The following SCN7A variants were observed in gnomAD, a reference collection of about 807,000 sequenced individuals.
SCN7A encodes the protein sodium voltage-gated channel alpha subunit 7, also known as sodium channel protein type 7 subunit alpha.
A neutral mutation model predicts 155.2 loss-of-function variants in SCN7A; 138 were observed. The observed-to-expected ratio is 0.89, with a 90% CI of 0.77 to 1.02. SCN7A has a LOEUF of 1.02. Among genes scored for constraint, SCN7A ranks in the 50% least tolerant of loss-of-function variants. SCN7A has a pLI of 0.00. For synonymous variants in SCN7A, 693 were observed against 649.0 expected (o/e 1.07, Z -1.03); for missense variants, 2,058 against 1,986.6 (o/e 1.04, Z -0.68).
chr2:166,492,125 G>A (rs13022308), intron 1 of SCN7A, among the ~76,000 whole-genome samples: 18,932 of 152,018 alleles, frequency 0.12, 1,314 homozygotes, highest in Middle Eastern at 0.16. Flanking sequence ...ACGAGGCTAC[G>A]GAGACAGAAT....
At chr2:166,453,006 T>C (rs573856861) in intron 11 of SCN7A, among the ~76,000 whole-genome samples, 2 of 152,300 alleles carry the variant, frequency 1.3e-5, no homozygotes, top group East Asian at 3.9e-4. Flanking sequence ...GAAACAGCCA[T>C]GCGTTCTTGT....
chr2:166,445,823 A>T (rs984402744), intron 12 of SCN7A, among the ~76,000 whole-genome samples: 11 of 152,184 alleles, frequency 7.2e-5, no homozygotes, highest in Non-Finnish European at 1.3e-4. Context: ...CTGGCTAGCC[A>T]TATGCAGAAA....
intron 10 of SCN7A, among the ~76,000 whole-genome samples, chr2:166,459,760 A>C (rs915701810): frequency 1.3e-5 from 2 of 152,196 alleles, no homozygotes; most frequent in African/African-American, 4.8e-5. Context: ...GATAAAGAAA[A>C]TGTGGCACAT....
At chr2:166,414,261 T>TACACAC (rs1559088635) in intron 21 of SCN7A, among the ~76,000 whole-genome samples, 9 of 65,438 alleles carry the variant, frequency 1.4e-4, no homozygotes, top group African/African-American at 5.4e-4. Flanking sequence ...TATAGATATA[T>TACACAC]ATACACACAC....
intron 1 of SCN7A, among the ~76,000 whole-genome samples, chr2:166,493,481 G>A (rs1460489225): frequency 6.6e-6 from 1 of 152,166 alleles, no homozygotes; most frequent in Non-Finnish European, 1.5e-5. Context: ...TGACTAAACT[G>A]AGCACACCAC....
chr2:166,409,952 CAGGTGTAAT>C lies in SCN7A; in HGVS notation c.3712-26_3712-18del. On this transcript the variant is annotated intron_variant, in intron 24 of 25. Coordinates refer to ENST00000643258, the MANE Select transcript of SCN7A (RefSeq NM_002976.4). ...GAGCTTGTTCTGTGGGTAAAATCAA[CAGGTGTAAT>C]AGTCTTATTAATAGGATACATATAC... 1 of 1,542,728 alleles carries C rather than the reference CAGGTGTAAT, an allele frequency of 6.5e-7. No homozygotes were observed. Among genetic ancestry groups the C allele is most frequent in the Non-Finnish European group, 8.8e-7 (1 of 1,142,480 alleles).
intron 18 of SCN7A, among the ~76,000 whole-genome samples, chr2:166,424,367 C>T (rs1701576236): frequency 1.3e-5 from 2 of 152,026 alleles, no homozygotes; most frequent in Admixed American, 1.3e-4. Flanking sequence ...GACCAATGAT[C>T]CTGCTGCAAA....
chr2:166,485,135 T>C (rs1346057791), intron 2 of SCN7A, among the ~76,000 whole-genome samples: 2 of 152,150 alleles, frequency 1.3e-5, no homozygotes, highest in Non-Finnish European at 2.9e-5. Context: ...AAGTCTGACA[T>C]GAAAGATTAC....
At chr2:166,464,166 GTGTGTATATATA>G (rs925341138) in intron 9 of SCN7A, among the ~76,000 whole-genome samples, 3 of 119,646 alleles carry the variant, frequency 2.5e-5, no homozygotes, top group African/African-American at 3.8e-5. Context: ...ATACACATAT[GTGTGTATATATA>G]TGTGTATATA....
In SCN7A at chr2:166,432,670, T is replaced by C. The variant is rs761111247; in HGVS notation, c.2240A>G (p.Asn747Ser). The C allele has an allele frequency of 1.2e-6, 2 of 1,606,828 alleles. No individual in the cohort carries two copies. Among genetic ancestry groups the C allele is most frequent in the Admixed American group, 3.4e-5 (2 of 58,682 alleles). The change falls in exon 16 of 26, where the codon AAT becomes AGT. Residue 747 changes from asparagine (N) to serine (S), a missense_variant. Asn to Ser is a conservative substitution (Grantham distance 46, BLOSUM62 1). Transcript: ENST00000643258. ...AATTCTTGCCACTGCAAGCTGGAGA[T>C]TTTTTGCTTCATTATTCTCTTCAGC... ...VTAEENNEAKNLQLAVARIKK... is the reference protein window; with the variant it reads ...VTAEENNEAKSLQLAVARIKK...
chr2:166,465,615 C>A, intron 8 of SCN7A, 84 bp from the exon 9 acceptor site: 1 of 1,230,012 alleles, frequency 8.1e-7, no homozygotes, highest in Non-Finnish European at 1.2e-6. Context: ...TCTGCAGAAG[C>A]TAAAATACCT....
chr2:166,486,233 G>T (rs1358932750), intron 2 of SCN7A, among the ~76,000 whole-genome samples: 1 of 152,062 alleles, frequency 6.6e-6, no homozygotes, highest in Non-Finnish European at 1.5e-5. Flanking sequence ...CTTCATTGTT[G>T]CCAGCTTCTC....
chr2:166,460,074 C>T (rs111296894), intron 10 of SCN7A, among the ~76,000 whole-genome samples: 1 of 152,170 alleles, frequency 6.6e-6, no homozygotes, highest in African/African-American at 2.4e-5. Context: ...ACATATATAC[C>T]TAAGTAACAA....
At chr2:166,459,686 T>TGG (rs544936114) in intron 10 of SCN7A, among the ~76,000 whole-genome samples, 2 of 152,118 alleles carry the variant, frequency 1.3e-5, no homozygotes, top group Non-Finnish European at 2.9e-5. Context: ...AGTAAAAACT[T>TGG]GGAGTACACT....
intron 25 of SCN7A, among the ~76,000 whole-genome samples, chr2:166,407,326 A>G (rs1701097423): frequency 6.6e-6 from 1 of 152,048 alleles, no homozygotes; most frequent in African/African-American, 2.4e-5. Flanking sequence ...CACAAGAACT[A>G]TAAAACAAGG....
At chr2:166,425,294 A>C (rs1475314172) in intron 18 of SCN7A, among the ~76,000 whole-genome samples, 2 of 152,062 alleles carry the variant, frequency 1.3e-5, no homozygotes, top group Non-Finnish European at 2.9e-5. Flanking sequence ...GTGGCCTGGG[A>C]AGTACTAAGA....
chr2:166,450,440 C>T (rs1286112107), intron 11 of SCN7A, among the ~76,000 whole-genome samples: 1 of 151,912 alleles, frequency 6.6e-6, no homozygotes, highest in Non-Finnish European at 1.5e-5. Context: ...AACGCCTGCA[C>T]ATGTACCCTC....
intron 19 of SCN7A, 61 bp downstream of exon 19, chr2:166,423,198 G>C: frequency 6.6e-7 from 1 of 1,506,232 alleles, no homozygotes; most frequent in African/African-American, 1.4e-5. Context: ...GGAAGTGAAA[G>C]AGTAAGAGTG....
intron 3 of SCN7A, among the ~76,000 whole-genome samples, chr2:166,476,420 T>A (rs1413737924): frequency 2.6e-5 from 4 of 152,028 alleles, no homozygotes; most frequent in African/African-American, 9.7e-5. Flanking sequence ...GAATTTGATA[T>A]TCTTTCTAGT....
Sources: gnomAD v4.1 joint callset for allele counts (sites outside exome capture counted in the v4.1 genomes callset) on GRCh38, gnomAD v4.1.1 for gene constraint, MANE v1.5 for transcripts, NCBI Gene and HGNC (gene_info 2026-07-23, HGNC 2026-07-21) for gene names.